PLB1: variants seen among roughly 807,000 people sequenced by gnomAD.
The protein encoded by PLB1 is phospholipase B1, membrane-associated.
A neutral mutation model predicts 227.4 loss-of-function variants in PLB1; 242 were observed. The observed-to-expected ratio is 1.06, with a 90% CI of 0.96 to 1.18. The LOEUF is 1.18. Among genes scored for constraint, PLB1 ranks in the 50% most tolerant of loss-of-function variants. The probability of loss-of-function intolerance (pLI) is 0.00; values close to 1 mark genes in which losing one functional copy is unlikely to be tolerated. For synonymous variants in PLB1, 757 were observed against 682.2 expected (o/e 1.11, Z -1.71); for missense variants, 1,858 against 1,816.3 (o/e 1.02, Z -0.42).
intron 1 of PLB1, among the ~76,000 whole-genome samples, chr2:28,513,195 A>C (rs140660946): frequency 6.6e-6 from 1 of 152,340 alleles, no homozygotes; most frequent in East Asian, 1.9e-4. Flanking sequence ...CATTGTATAT[A>C]AAAGATAATT....
chr2:28,591,385 C>T (rs539021245), intron 30 of PLB1, among the ~76,000 whole-genome samples: 105 of 152,340 alleles, frequency 6.9e-4, no homozygotes, highest in Non-Finnish European at 1.2e-3. Flanking sequence ...AGCTTCACTG[C>T]GACATAAGTG....
chr2:28,598,124 C>T, intron 34 of PLB1, 76 bp downstream of exon 34: 1 of 1,270,466 alleles, frequency 7.9e-7, no homozygotes, highest in South Asian at 1.4e-5. Flanking sequence ...AAGTGCCTCC[C>T]AGGTAAGCAG....
At chr2:28,589,863 C>T in intron 28 of PLB1, 93 bp downstream of exon 28, 1 of 1,384,424 alleles carries the variant, frequency 7.2e-7, no homozygotes, top group Non-Finnish European at 1.0e-6. Context: ...ATCGTGCAGG[C>T]CATGTGATTC....
intron 32 of PLB1, 120 bp from the exon 33 acceptor site, chr2:28,593,561 A>T: frequency 1.3e-6 from 1 of 795,940 alleles, no homozygotes; most frequent in Non-Finnish European, 2.1e-6. Flanking sequence ...TCCTGGTTCC[A>T]TGTCTGCTCC....
At chr2:28,639,135 G>T (rs913024598) in intron 56 of PLB1, among the ~76,000 whole-genome samples, 1 of 151,958 alleles carries the variant, frequency 6.6e-6, no homozygotes, top group Non-Finnish European at 1.5e-5. Flanking sequence ...AGGTAGAAAA[G>T]AGTGTAAGGC....
chr2:28,612,769 A>ATTTTTTTTTTTTTTTTTTTT (rs10557060), intron 43 of PLB1, among the ~76,000 whole-genome samples: 1 of 124,908 alleles, frequency 8.0e-6, no homozygotes, highest in Non-Finnish European at 1.7e-5. Flanking sequence ...CCACACCTGG[A>ATTTTTTTTTTTTTTTTTTTT]TTTTTTTTTT....
intron 17 of PLB1, among the ~76,000 whole-genome samples, chr2:28,557,247 A>G (rs559446031): frequency 1.3e-5 from 2 of 152,284 alleles, no homozygotes; most frequent in African/African-American, 4.8e-5. Flanking sequence ...TCACAGAGTC[A>G]CTTAGCCTTT....
chr2:28,504,881 A>G (rs1336801852), intron 1 of PLB1, among the ~76,000 whole-genome samples: 1 of 152,056 alleles, frequency 6.6e-6, no homozygotes, highest in Non-Finnish European at 1.5e-5. Context: ...TAATTTCTTT[A>G]TGTACTATAC....
chr2:28,576,056 G>A (rs115727039), intron 21 of PLB1, among the ~76,000 whole-genome samples: 93 of 152,296 alleles, frequency 6.1e-4, no homozygotes, highest in African/African-American at 2.1e-3. Flanking sequence ...AGTCAAGAGT[G>A]TAAAAGTAAC....
chr2:28,617,189 A>G (rs762111136), intron 44 of PLB1, among the ~76,000 whole-genome samples: 2 of 152,268 alleles, frequency 1.3e-5, no homozygotes, highest in Non-Finnish European at 2.9e-5. Context: ...ATGCAAAAAG[A>G]CATACAGGTA....
chr2:28,604,870 A>C, intron 41 of PLB1, 111 bp downstream of exon 41: 1 of 989,138 alleles, frequency 1.0e-6, no homozygotes, highest in South Asian at 1.6e-5. Flanking sequence ...ACAGCTCTCC[A>C]GACGCTGTGC....
At chr2:28,533,215 C>CT (rs1354249282) in intron 9 of PLB1, among the ~76,000 whole-genome samples, 4 of 152,196 alleles carry the variant, frequency 2.6e-5, no homozygotes, top group Non-Finnish European at 5.9e-5. Flanking sequence ...ACTCCCCTTC[C>CT]TTTAGTGATG....
chr2:28,589,703 C>G lies in PLB1; in HGVS notation c.1949C>G (p.Ala650Gly). ...SEGLPDNSFF[A>G]PDCFHFSSKS... ...GGATTGCCTGACAACTCTTTCTTCGCTCCTGACTGTTTCCACTTCAGCAGC... is the reference window on the plus strand; with the variant it reads ...GGATTGCCTGACAACTCTTTCTTCGGTCCTGACTGTTTCCACTTCAGCAGC... Residue 650 changes from alanine to glycine, a missense_variant, in exon 28 of 58, where the codon GCT (alanine) becomes GGT (glycine). By Grantham distance (60) the Ala-to-Gly change is moderately conservative. Transcript: ENST00000327757. 6.2e-7 allele frequency: 1 copy of G among 1,614,112 alleles called. No homozygotes were observed. Among genetic ancestry groups the G allele is most frequent in the Middle Eastern group, 1.6e-4 (1 of 6,062 alleles).
chr2:28,594,273 C>A, intron 33 of PLB1: 2 of 261,412 alleles, frequency 7.7e-6, no homozygotes, highest in Non-Finnish European at 7.9e-6. Flanking sequence ...ATTAGCAATT[C>A]GACAAGAGGA....
chr2:28,636,149 C>G (rs1056675335), intron 56 of PLB1, among the ~76,000 whole-genome samples: 2 of 152,186 alleles, frequency 1.3e-5, no homozygotes, highest in Non-Finnish European at 2.9e-5. Context: ...ACCTCCGTCT[C>G]CTGGATTCAA....
intron 57 of PLB1, among the ~76,000 whole-genome samples, chr2:28,641,699 TC>T (rs2148355094): frequency 6.6e-6 from 1 of 152,238 alleles, no homozygotes; most frequent in Non-Finnish European, 1.5e-5. Context: ...CAGTGTCTGT[TC>T]CTGGAGCCTG....
At chr2:28,509,388 A>G (rs773329786) in intron 1 of PLB1, among the ~76,000 whole-genome samples, 4 of 152,136 alleles carry the variant, frequency 2.6e-5, no homozygotes, top group African/African-American at 7.2e-5. Context: ...CAGCATACCC[A>G]TGCCCCACCA....
rs200065370 is a variant in PLB1 at position 28,642,984 on chromosome 2, G to A, written c.4300G>A (p.Gly1434Arg). The A allele has an allele frequency of 8.1e-5, 131 of 1,610,706 alleles. 1 individual carries two copies. The highest frequency in any genetic ancestry group is 3.3e-4 in the Middle Eastern group (2 of 6,046). The change falls in exon 58 of 58, where the codon GGG (glycine) becomes AGG (arginine). Residue 1434 changes from glycine (G) to arginine (R), a missense_variant. Transcript: ENST00000327757. ...AGVGLVVGII[G>R]TVVWRCRRGG... is the part of the protein sequence containing the mutation. ...AGTCGGCCTTGTGGTGGGCATCATC[G>A]GGACAGTGGTCTGGAGGTGCAGGAG...
chr2:28,570,206 C>T (rs1274017006), intron 20 of PLB1, among the ~76,000 whole-genome samples: 1 of 151,762 alleles, frequency 6.6e-6, no homozygotes, highest in Non-Finnish European at 1.5e-5. Context: ...CAAAATAAGA[C>T]AAAGACATCA....
Sources: gnomAD v4.1 joint callset for allele counts (sites outside exome capture counted in the v4.1 genomes callset) on GRCh38, gnomAD v4.1.1 for gene constraint, MANE v1.5 for transcripts, NCBI Gene and HGNC (gene_info 2026-07-23, HGNC 2026-07-21) for gene names.